Variants in OCA2 observed in about 807,000 individuals in gnomAD.
The protein encoded by OCA2 is P protein.
Under a neutral mutation model 100.2 loss-of-function variants are expected in OCA2, and 77 were observed. That is an observed-to-expected ratio of 0.77 (90% confidence interval 0.64 to 0.93). The LOEUF (loss-of-function observed/expected upper bound fraction) is 0.93. Ranked by LOEUF, OCA2 falls within the 40% of genes least tolerant of loss-of-function variation. The pLI is 0.00. For synonymous variants in OCA2, 432 were observed against 439.2 expected (o/e 0.98, Z 0.21); for missense variants, 1,062 against 1,089.1 (o/e 0.98, Z 0.35).
At chr15:27,982,336 A>AT (rs2041193698) in intron 14 of OCA2, among the ~76,000 whole-genome samples, 1 of 152,186 alleles carries the variant, frequency 6.6e-6, no homozygotes, top group South Asian at 2.1e-4. Context: ...TAACAATACA[A>AT]TTTTTTTCTA....
chr15:27,863,608 A>G (rs1338535031), intron 21 of OCA2, among the ~76,000 whole-genome samples: 1 of 152,058 alleles, frequency 6.6e-6, no homozygotes, highest in East Asian at 1.9e-4. Flanking sequence ...TGCTTTTTCA[A>G]TACAATGCAT....
At chr15:27,766,236 A>T (rs2031249808) in intron 23 of OCA2, among the ~76,000 whole-genome samples, 1 of 152,240 alleles carries the variant, frequency 6.6e-6, no homozygotes, top group South Asian at 2.1e-4. Context: ...CCAAAATATT[A>T]TTTGACCATA....
At chr15:27,961,951 G>A (rs2040423873) in intron 15 of OCA2, among the ~76,000 whole-genome samples, 1 of 151,218 alleles carries the variant, frequency 6.6e-6, no homozygotes, top group Non-Finnish European at 1.5e-5. Context: ...GTGTAATTGA[G>A]AAATAAAATA....
chr15:27,887,447 G>A (rs545715304), intron 19 of OCA2, among the ~76,000 whole-genome samples: 2 of 151,712 alleles, frequency 1.3e-5, no homozygotes, highest in African/African-American at 4.8e-5. Flanking sequence ...TGCCAGCAAA[G>A]GTAACCATGG....
chr15:28,079,662 T>C (rs72714109), intron 2 of OCA2, among the ~76,000 whole-genome samples: 37,680 of 152,184 alleles, frequency 0.25, 6,093 homozygotes, highest in African/African-American at 0.46. Context: ...ATGGGAGGTG[T>C]GGCTCACTCA....
chr15:27,924,148 G>C (rs1012024620), intron 19 of OCA2, among the ~76,000 whole-genome samples: 1 of 152,166 alleles, frequency 6.6e-6, no homozygotes, highest in Non-Finnish European at 1.5e-5. Context: ...GGTCAGCTTT[G>C]TCGAAGATCA....
intron 9 of OCA2, among the ~76,000 whole-genome samples, chr15:28,012,662 CAAAT>C (rs1419462564): frequency 6.6e-6 from 1 of 151,852 alleles, no homozygotes; most frequent in Non-Finnish European, 1.5e-5. Context: ...TTCTAAATGA[CAAAT>C]AATACTAACC....
At position 28,032,182 on chromosome 15, in the gene OCA2, G is replaced by A. The variant is rs1324967069; in HGVS notation, c.228-19C>T. 6.5e-7 allele frequency: 1 copy of A among 1,549,924 alleles called. No homozygotes were observed. Among genetic ancestry groups the A allele is most frequent in the South Asian group, 1.1e-5 (1 of 89,784 alleles). ...GTGAGACCTGAAAGAGACAGGGTAG[G>A]AAACAGAATCACCAACACAGAAATA... is the stretch of plus-strand genomic sequence containing the variant. On this transcript the variant is annotated intron_variant, in intron 2 of 23. Transcript: ENST00000354638.
chr15:28,014,809 G>C lies in OCA2; in HGVS notation c.1011C>G (p.Ile337Met). 6.2e-7 allele frequency: 1 copy of C among 1,614,026 alleles called. No individual in the cohort carries two copies. The highest frequency in any genetic ancestry group is 8.5e-7 in the Non-Finnish European group (1 of 1,180,040). ...VETQVTIATA[I>M]LAGVYALIIF... ...TGATCAGCGCGTAGACGCCCGCGAGGATGGCCGTCGCGATGGTCACCTGGG... is the reference window on the plus strand; with the variant it reads ...TGATCAGCGCGTAGACGCCCGCGAGCATGGCCGTCGCGATGGTCACCTGGG... The change falls in exon 9 of 24, where the codon ATC becomes ATG. Residue 337 changes from isoleucine (I) to methionine (M), a missense_variant. Physicochemically the swap from Ile to Met is conservative, Grantham distance 10. Transcript: ENST00000354638.
Position 27,972,043 on chromosome 15 carries a change from C to T in OCA2, c.1504-5221G>A, listed in dbSNP as rs544667194. Among the ~76,000 whole-genome samples, 21 of 152,330 alleles carry T rather than the reference C, an allele frequency of 1.4e-4. No individual in the cohort carries two copies. In the East Asian group the frequency reaches 3.9e-3, roughly 28 times the overall value. ...ATGCCTTTGCATACTCACAACTTAG[C>T]TCCCACTTATATGTGAGAACATGCG... On this transcript the variant is annotated intron_variant, in intron 14 of 23. Transcript: ENST00000354638.
chr15:28,086,592 T>A (rs2044780043), intron 1 of OCA2, among the ~76,000 whole-genome samples: 1 of 152,184 alleles, frequency 6.6e-6, no homozygotes, highest in African/African-American at 2.4e-5. Context: ...GTCATAGTGA[T>A]AACCAGGAAA....
intron 2 of OCA2, among the ~76,000 whole-genome samples, chr15:28,063,604 G>A (rs532330077): frequency 6.6e-6 from 1 of 152,044 alleles, no homozygotes; most frequent in Non-Finnish European, 1.5e-5. Context: ...TTGCTGAGAG[G>A]ATTACAATTA....
intron 23 of OCA2, among the ~76,000 whole-genome samples, chr15:27,813,096 G>A (rs573114121): frequency 6.6e-6 from 1 of 152,288 alleles, no homozygotes; most frequent in South Asian, 2.1e-4. Context: ...AGAACTCGGT[G>A]CTTCTCTGGG....
intron 23 of OCA2, among the ~76,000 whole-genome samples, chr15:27,821,322 G>A (rs542881972): frequency 6.6e-6 from 1 of 152,012 alleles, no homozygotes; most frequent in Admixed American, 6.5e-5. Context: ...ACTTGTATAA[G>A]ACAAAAGAGA....
chr15:27,752,556 T>G (rs916385299), downstream of OCA2, among the ~76,000 whole-genome samples: 27 of 152,284 alleles, frequency 1.8e-4, no homozygotes, highest in Non-Finnish European at 3.8e-4. Context: ...CATCTGCTCC[T>G]CCTGCCACAC....
intron 23 of OCA2, among the ~76,000 whole-genome samples, chr15:27,801,678 T>TA (rs1243568776): frequency 2.0e-5 from 3 of 149,662 alleles, no homozygotes; most frequent in Non-Finnish European, 4.4e-5. Flanking sequence ...ATTAACAAAC[T>TA]AAAAAAATAT....
chr15:27,818,848 G>C (rs2034402528), intron 23 of OCA2, among the ~76,000 whole-genome samples: 1 of 152,148 alleles, frequency 6.6e-6, no homozygotes, highest in Admixed American at 6.5e-5. Context: ...CAAAAGGCAG[G>C]GATGCTTTTT....
rs756116239 is a variant in OCA2 at position 27,966,741 on chromosome 15, G to A, written c.1585C>T (p.Leu529Phe). 1 of 1,613,966 alleles carries A rather than the reference G, an allele frequency of 6.2e-7. No homozygotes were observed. The highest frequency in any genetic ancestry group is 8.5e-7 in the Non-Finnish European group (1 of 1,180,000). ...TAAAGCTTTCTGTTCCAGTAAAGGAGTCTGAGGAGCGGAAAGCAGACCAGG... is the reference window on the plus strand; with the variant it reads ...TAAAGCTTTCTGTTCCAGTAAAGGAATCTGAGGAGCGGAAAGCAGACCAGG... ...VLLVCFPLLR[L>F]LYWNRKLYNK... The change falls in exon 15 of 24, where the codon CTC becomes TTC. Residue 529 changes from leucine to phenylalanine, a missense_variant. Leu to Phe is a conservative substitution (Grantham distance 22). Coordinates refer to ENST00000354638, the MANE Select transcript of OCA2 (RefSeq NM_000275.3).
intron 23 of OCA2, among the ~76,000 whole-genome samples, chr15:27,774,616 C>T (rs2032083909): frequency 6.6e-6 from 1 of 152,204 alleles, no homozygotes; most frequent in South Asian, 2.1e-4. Flanking sequence ...AACTGTGACC[C>T]TAGGAATCCA....
Sources: allele counts gnomAD v4.1 joint callset (sites outside exome capture counted in the v4.1 genomes callset), GRCh38; gene constraint gnomAD v4.1.1; transcripts MANE v1.5; gene names NCBI Gene and HGNC (gene_info 2026-07-23, HGNC 2026-07-21).